NAV1: variants seen among roughly 807,000 people sequenced by gnomAD.
NAV1 encodes pore membrane and/or filament interacting like protein 3.
A neutral mutation model predicts 175.2 loss-of-function variants in NAV1; 18 were observed. The ratio of observed to expected loss-of-function variants is 0.10; its 90% CI spans 0.07 to 0.15. NAV1 has a LOEUF of 0.15. NAV1 is among the 10% of genes least tolerant of loss of function. The pLI is 1.00. For missense variants in NAV1, 1,731 were observed against 2,436.6 expected (o/e 0.71, Z 6.10); for synonymous variants, 897 against 978.7 (o/e 0.92, Z 1.56).
chr1:201,700,036 A>C (rs1671349711), intron 1 of NAV1, among the ~76,000 whole-genome samples: 1 of 152,190 alleles, frequency 6.6e-6, no homozygotes, highest in Non-Finnish European at 1.5e-5. Context: ...CATGGGCAAG[A>C]ACTTCATGAC....
At chr1:201,784,762 T>G (rs1378222390) in intron 7 of NAV1, among the ~76,000 whole-genome samples, 2 of 151,680 alleles carry the variant, frequency 1.3e-5, no homozygotes, top group African/African-American at 2.4e-5. Flanking sequence ...TTGTTTGTTT[T>G]TTGTTGTTGT....
chr1:201,754,333 G>A lies in NAV1; in HGVS notation c.1227-26088G>A, dbSNP rs564832016. Among the ~76,000 whole-genome samples, 4 of 152,322 alleles carry A rather than the reference G, an allele frequency of 2.6e-5. No homozygotes were observed. In the South Asian group the frequency reaches 8.3e-4, roughly 32 times the overall value. ...ACCAAAGTGTAAAAGGTGGGCAGAGGAGGAAGAAGGAATCTGGATAAGCAG... is the reference window on the plus strand; with the variant it reads ...ACCAAAGTGTAAAAGGTGGGCAGAGAAGGAAGAAGGAATCTGGATAAGCAG... On this transcript the variant is annotated intron_variant, in intron 3 of 29. Transcript: ENST00000367296.
intron 5 of NAV1, among the ~76,000 whole-genome samples, chr1:201,781,897 G>A (rs919580253): frequency 6.6e-6 from 1 of 151,598 alleles, no homozygotes; most frequent in Non-Finnish European, 1.5e-5. Flanking sequence ...GGATATTCTT[G>A]ATCATCTTTG....
chr1:201,551,689 A>G (rs1402144988), intron 1 of NAV1, among the ~76,000 whole-genome samples: 2 of 152,224 alleles, frequency 1.3e-5, no homozygotes, highest in Admixed American at 1.3e-4. Context: ...AAAGTACACC[A>G]CCAATTTTAT....
intron 2 of NAV1, among the ~76,000 whole-genome samples, chr1:201,639,979 G>A (rs958431875): frequency 1.3e-5 from 2 of 152,134 alleles, no homozygotes; most frequent in Non-Finnish European, 2.9e-5. Flanking sequence ...CCAGGCAGCT[G>A]TGAGCTCCAA....
chr1:201,789,883 G>A, intron 11 of NAV1, 91 bp downstream of exon 15: 1 of 1,229,610 alleles, frequency 8.1e-7, no homozygotes, highest in Non-Finnish European at 1.2e-6. Flanking sequence ...TAACTGGGCG[G>A]GGGATGGGGG....
chr1:201,562,909 T>C (rs943063629), intron 1 of NAV1, among the ~76,000 whole-genome samples: 1 of 152,216 alleles, frequency 6.6e-6, no homozygotes, highest in Non-Finnish European at 1.5e-5. Context: ...TCACGGGATC[T>C]GTCTGAGCAT....
intron 1 of NAV1, among the ~76,000 whole-genome samples, chr1:201,558,521 C>T (rs901327824): frequency 2.0e-5 from 3 of 152,136 alleles, no homozygotes; most frequent in Non-Finnish European, 4.4e-5. Context: ...GGCACAATCT[C>T]GGCTCACTGC....
At chr1:201,618,786 A>G (rs1445942471), upstream of NAV1, among the ~76,000 whole-genome samples, 1 of 152,182 alleles carries the variant, frequency 6.6e-6, no homozygotes, top group Non-Finnish European at 1.5e-5. Context: ...GGTTGTTGTT[A>G]AGAACTAGAA....
At position 201,772,805 on chromosome 1, in the gene NAV1, G is replaced by A. The variant is rs369033624; in HGVS notation, c.1227-7616G>A. 2.7e-4 allele frequency among the ~76,000 whole-genome samples: 41 copies of A among 152,130 alleles called. No homozygotes were observed. In the East Asian group the frequency reaches 3.3e-3, roughly 12 times the overall value. ...TCCCAGCACTTTGGGAGGCCAAGGC[G>A]GGTGGATCACGAGGTCAGGAGATCG... On this transcript the variant is annotated intron_variant, in intron 3 of 29. Coordinates refer to ENST00000367296, the Ensembl canonical transcript of NAV1.
chr1:201,664,043 C>T (rs566030375), intron 1 of NAV1, among the ~76,000 whole-genome samples: 131 of 152,296 alleles, frequency 8.6e-4, no homozygotes, highest in African/African-American at 2.6e-3. Flanking sequence ...ATCGTCATTA[C>T]TCTATTGGGT....
intron 7 of NAV1, among the ~76,000 whole-genome samples, chr1:201,784,594 G>T (rs1274277790): frequency 2.7e-5 from 4 of 148,326 alleles, no homozygotes; most frequent in Non-Finnish European, 3.0e-5. Flanking sequence ...TTGAGATGGG[G>T]TCTCACTATG....
In NAV1 at chr1:201,784,877, C is replaced by T. The variant is rs572580077; in HGVS notation, c.2805-433C>T. On this transcript the variant is annotated intron_variant, in intron 7 of 29. Transcript: ENST00000367296. Reference sequence around the variant, plus strand: ...CCACCTCCTGGGTTCATGCCATTCTCCTGCCTCAGCCTCCCGAGTAGCTGG... The same window carrying T: ...CCACCTCCTGGGTTCATGCCATTCTTCTGCCTCAGCCTCCCGAGTAGCTGG... Among the ~76,000 whole-genome samples, 733 of 152,262 alleles carry T rather than the reference C, an allele frequency of 4.8e-3. 10 individuals carry two copies. Among genetic ancestry groups the T allele is most frequent in the African/African-American group, 0.017 (704 of 41,540 alleles).
At chr1:201,714,735 C>T (rs1005473646) in intron 2 of NAV1, among the ~76,000 whole-genome samples, 3 of 152,162 alleles carry the variant, frequency 2.0e-5, no homozygotes, top group African/African-American at 7.2e-5. Flanking sequence ...ACCAAGTCAC[C>T]CACCAGCCTC....
chr1:201,769,303 T>C (rs1256177117), intron 3 of NAV1, among the ~76,000 whole-genome samples: 1 of 152,210 alleles, frequency 6.6e-6, no homozygotes, highest in East Asian at 1.9e-4. Flanking sequence ...CTCCTACTTA[T>C]CTTGGTTTTC....
At chr1:201,745,636 A>C (rs1221622857) in intron 3 of NAV1, among the ~76,000 whole-genome samples, 5 of 152,214 alleles carry the variant, frequency 3.3e-5, no homozygotes, top group East Asian at 1.9e-4. Flanking sequence ...TAAGTCAGTC[A>C]GTAAGTAGTG....
chr1:201,784,401 G>A (rs755117428), intron 7 of NAV1, among the ~76,000 whole-genome samples: 1 of 151,976 alleles, frequency 6.6e-6, no homozygotes, highest in South Asian at 2.1e-4. Context: ...CAAGTGATCT[G>A]CCTACATCAG....
At chr1:201,666,372 A>G (rs1175460138) in intron 1 of NAV1, among the ~76,000 whole-genome samples, 1 of 152,060 alleles carries the variant, frequency 6.6e-6, no homozygotes, top group Non-Finnish European at 1.5e-5. Flanking sequence ...AATAAATCAT[A>G]TATTATCTCA....
intron 1 of NAV1, among the ~76,000 whole-genome samples, chr1:201,574,205 T>C (rs199920453): frequency 6.6e-6 from 1 of 151,976 alleles, no homozygotes; most frequent in East Asian, 1.9e-4. Flanking sequence ...CACCATGTAG[T>C]AAGGGAGAAA....
Sources: allele counts gnomAD v4.1 joint callset (sites outside exome capture counted in the v4.1 genomes callset), GRCh38; gene constraint gnomAD v4.1.1; transcripts MANE v1.5; gene names NCBI Gene and HGNC (gene_info 2026-07-23, HGNC 2026-07-21).